ULK4: variants seen among roughly 807,000 people sequenced by gnomAD.
ULK4 encodes unc-51 like kinase 4.
In ULK4, 133 loss-of-function variants were observed where a neutral mutation model predicts 160.6. The observed-to-expected ratio is 0.83, with a 90% CI of 0.72 to 0.96. The LOEUF (loss-of-function observed/expected upper bound fraction) is 0.96. ULK4 is among the 40% of genes least tolerant of loss of function. The pLI is 0.00. For missense variants in ULK4, 1,580 were observed against 1,499.5 expected (o/e 1.05, Z -0.89); for synonymous variants, 534 against 539.8 (o/e 0.99, Z 0.15).
Position 41,506,767 on chromosome 3 carries a change from A to T in ULK4, c.3227-43514T>A, listed in dbSNP as rs868507816. On this transcript the variant is annotated intron_variant, in intron 32 of 36. Transcript: ENST00000301831. ...AGCAATACACTGGAGTGTGATTTAA[A>T]ATATATATATATATATATATATATA... is the stretch of plus-strand genomic sequence containing the variant. 3.5e-5 allele frequency among the ~76,000 whole-genome samples: 2 copies of T among 56,792 alleles called. 1 individual carries two copies. The highest frequency in any genetic ancestry group is 1.6e-4 in the African/African-American group (2 of 12,248). The allele number at this position is 56,792 out of a possible 152,430, so 37.3% of individuals were successfully genotyped here.
intron 35 of ULK4, among the ~76,000 whole-genome samples, chr3:41,375,210 A>T (rs548375663): frequency 5.3e-4 from 81 of 152,322 alleles, no homozygotes; most frequent in African/African-American, 1.9e-3. Flanking sequence ...CATACTGCCC[A>T]AAGTAATTTA....
At chr3:41,509,914 T>C (rs1331507247) in intron 32 of ULK4, among the ~76,000 whole-genome samples, 1 of 151,704 alleles carries the variant, frequency 6.6e-6, no homozygotes, top group Non-Finnish European at 1.5e-5. Context: ...AATAATACAA[T>C]GAAAAAAGAA....
chr3:41,293,183 G>A (rs1296289717), intron 35 of ULK4, among the ~76,000 whole-genome samples: 1 of 151,840 alleles, frequency 6.6e-6, no homozygotes, highest in East Asian at 1.9e-4. Context: ...GGCAAGGAAG[G>A]TTATCATTTA....
At chr3:41,270,825 G>A (rs3908970) in intron 35 of ULK4, among the ~76,000 whole-genome samples, 38,065 of 152,110 alleles carry the variant, frequency 0.25, 7,080 homozygotes, top group African/African-American at 0.52. Flanking sequence ...CAAAGTCTGA[G>A]AGTAGAGTAC....
Position 41,730,438 on chromosome 3 carries a change from A to G in ULK4, c.2322-12577T>C, listed in dbSNP as rs529556067. On this transcript the variant is annotated intron_variant, in intron 22 of 36. Transcript: ENST00000301831. Reference sequence around the variant, plus strand: ...AAATAAACTCAGAGATAAAAAGTAGATATTACAATGTATGTCACAGACTAA... The same window carrying G: ...AAATAAACTCAGAGATAAAAAGTAGGTATTACAATGTATGTCACAGACTAA... Among the ~76,000 whole-genome samples the G allele has an allele frequency of 1.4e-4, 21 of 152,278 alleles. No individual in the cohort carries two copies. In the South Asian group the frequency reaches 1.5e-3, roughly 11 times the overall value.
chr3:41,835,999 A>G, intron 17 of ULK4, 28 bp from the exon 18 acceptor site: 1 of 1,364,188 alleles, frequency 7.3e-7, no homozygotes, highest in South Asian at 1.2e-5. Context: ...AAAAAAGTAA[A>G]TTATTTCAAA....
At chr3:41,442,494 CAAAA>C (rs1651890101) in intron 34 of ULK4, among the ~76,000 whole-genome samples, 2 of 152,044 alleles carry the variant, frequency 1.3e-5, no homozygotes, top group Admixed American at 1.3e-4. Context: ...TAAAGGACCA[CAAAA>C]ATGACCATGC....
At position 41,954,623 on chromosome 3, in the gene ULK4, C is replaced by T. The variant is rs1232088241; in HGVS notation, c.137G>A (p.Trp46Ter). The T allele has an allele frequency of 1.2e-6, 2 of 1,612,154 alleles. No homozygotes were observed. The highest frequency in any genetic ancestry group is 1.7e-5 in the Admixed American group (1 of 59,610). Residue 46 changes from tryptophan (W) to a stop codon, truncating the protein, a stop_gained and splice_region_variant, in exon 2 of 37, where the codon TGG (tryptophan) becomes TAG (stop). Transcript: ENST00000301831. LOFTEE classifies it high-confidence loss of function. ...GCCAATGGAAATACACTGACTTACC[C>T]AGTTGGTTATTTCAGGCCTTTTGCA... ...DKCKRPEITNWVRLTREIKHK... is the reference protein window; with the variant it reads ...DKCKRPEITN
chr3:41,746,530 T>G (rs1005763342), intron 22 of ULK4, among the ~76,000 whole-genome samples: 20 of 151,462 alleles, frequency 1.3e-4, no homozygotes, highest in African/African-American at 4.6e-4. Context: ...AGACACCACA[T>G]TCAAGGATCA....
At chr3:41,874,636 T>C (rs1697230492) in intron 17 of ULK4, among the ~76,000 whole-genome samples, 1 of 152,160 alleles carries the variant, frequency 6.6e-6, no homozygotes, top group South Asian at 2.1e-4. Context: ...ATGTTCCCAA[T>C]TATAAGCGGG....
At chr3:41,355,868 G>T (rs995289323) in intron 35 of ULK4, among the ~76,000 whole-genome samples, 1 of 152,166 alleles carries the variant, frequency 6.6e-6, no homozygotes, top group Non-Finnish European at 1.5e-5. Flanking sequence ...ATTTTATACT[G>T]TTTATTTCAT....
At chr3:41,417,524 T>C (rs2082554790) in intron 34 of ULK4, among the ~76,000 whole-genome samples, 3 of 152,252 alleles carry the variant, frequency 2.0e-5, no homozygotes, top group African/African-American at 7.2e-5. Flanking sequence ...AACACATCTC[T>C]GAGCAGTAAG....
At chr3:41,647,664 G>A (rs1009222845) in intron 30 of ULK4, among the ~76,000 whole-genome samples, 8 of 152,230 alleles carry the variant, frequency 5.3e-5, no homozygotes, top group Admixed American at 2.0e-4. Context: ...CACTTGAGGA[G>A]GCAGTCTGCC....
At chr3:41,766,079 G>A (rs2039151838) in intron 21 of ULK4, among the ~76,000 whole-genome samples, 1 of 151,900 alleles carries the variant, frequency 6.6e-6, no homozygotes, top group Non-Finnish European at 1.5e-5. Flanking sequence ...GACCAGCCTG[G>A]CCAAGACGGT....
intron 31 of ULK4, among the ~76,000 whole-genome samples, chr3:41,581,765 A>G (rs550757237): frequency 2.0e-5 from 3 of 152,296 alleles, no homozygotes; most frequent in South Asian, 4.1e-4. Context: ...TGTGCTAATC[A>G]AGGCATACCA....
chr3:41,343,700 CCAACAA>C (rs1281668233), intron 35 of ULK4, among the ~76,000 whole-genome samples: 1 of 152,132 alleles, frequency 6.6e-6, no homozygotes, highest in African/African-American at 2.4e-5. Context: ...TTCCTATACA[CCAACAA>C]CAGACAAGCC....
At chr3:41,862,396 C>T (rs1349846044) in intron 17 of ULK4, among the ~76,000 whole-genome samples, 2 of 151,196 alleles carry the variant, frequency 1.3e-5, no homozygotes, top group Admixed American at 1.3e-4. Context: ...ATTGGTCCCT[C>T]GTGCCTTATT....
At chr3:41,513,430 G>A (rs1422407978) in intron 32 of ULK4, among the ~76,000 whole-genome samples, 1 of 152,202 alleles carries the variant, frequency 6.6e-6, no homozygotes, top group African/African-American at 2.4e-5. Context: ...GAGGTCAAGA[G>A]ATCAAGACCA....
At chr3:41,519,131 AG>A (rs2085844388) in intron 32 of ULK4, among the ~76,000 whole-genome samples, 2 of 152,306 alleles carry the variant, frequency 1.3e-5, no homozygotes, top group South Asian at 4.1e-4. Flanking sequence ...CACTATGTCC[AG>A]ATGTTGGCCT....
Sources: gnomAD v4.1 joint callset for allele counts (sites outside exome capture counted in the v4.1 genomes callset) on GRCh38, gnomAD v4.1.1 for gene constraint, MANE v1.5 for transcripts, NCBI Gene and HGNC (gene_info 2026-07-23, HGNC 2026-07-21) for gene names.